SERPINB8: variants seen among roughly 807,000 people sequenced by gnomAD.
SERPINB8 encodes serpin family B member 8.
SERPINB8 carries 25 observed loss-of-function variants against 35.3 expected under a neutral mutation model. That is an observed-to-expected ratio of 0.71 (90% CI 0.52 to 0.99). SERPINB8 has a LOEUF of 0.99. Among genes scored for constraint, SERPINB8 ranks in the 50% least tolerant of loss-of-function variants. The pLI, the probability that SERPINB8 is intolerant of heterozygous loss-of-function variation, is 0.00. For missense variants in SERPINB8, 484 were observed against 446.5 expected (o/e 1.08, Z -0.76); for synonymous variants, 186 against 160.8 (o/e 1.16, Z -1.19).
In SERPINB8 at chr18:63,989,208, GT is replaced by G. The variant is rs1382722407; in HGVS notation, c.*1932del. On this transcript the variant is annotated 3_prime_UTR_variant, in exon 7 of 7. Coordinates refer to ENST00000397985, the MANE Select transcript of SERPINB8 (RefSeq NM_002640.4). ...TACAATTATTTTGAGATTCATTTAT[GT>G]TATTGTATGTATCAATAGTTCATCC... 1 of 152,150 alleles carries G rather than the reference GT, an allele frequency of 6.6e-6. No homozygotes were observed. The highest frequency in any genetic ancestry group is 1.5e-5 in the Non-Finnish European group (1 of 68,016). The allele number at this position is 152,150 out of a possible 1,614,324, so 9.4% of individuals were successfully genotyped here.
intron 3 of SERPINB8, among the ~76,000 whole-genome samples, chr18:63,980,279 C>T (rs1250340791): frequency 1.3e-5 from 2 of 152,190 alleles, no homozygotes; most frequent in East Asian, 3.8e-4. Context: ...GCTGAGGTAG[C>T]CTCTCAAATT....
intron 1 of SERPINB8, among the ~76,000 whole-genome samples, chr18:63,971,971 G>A (rs1024733733): frequency 1.3e-4 from 19 of 151,516 alleles, no homozygotes; most frequent in African/African-American, 3.9e-4. Context: ...CACCACCTAC[G>A]GAATGCCTGC....
At chr18:63,975,677 A>G (rs771780439) in intron 1 of SERPINB8, among the ~76,000 whole-genome samples, 1 of 152,144 alleles carries the variant, frequency 6.6e-6, no homozygotes, top group Non-Finnish European at 1.5e-5. Context: ...CTGTTGTTCT[A>G]TATTTAGAGT....
At chr18:64,001,239 G>A (rs903482432) in intron 1 of SERPINB8, among the ~76,000 whole-genome samples, 3 of 152,188 alleles carry the variant, frequency 2.0e-5, no homozygotes, top group Admixed American at 6.5e-5. Flanking sequence ...TCAAGAATGA[G>A]TACTAAGGAA....
intron 1 of SERPINB8, among the ~76,000 whole-genome samples, chr18:64,002,042 A>T (rs778057679): frequency 6.6e-6 from 1 of 152,160 alleles, no homozygotes; most frequent in Non-Finnish European, 1.5e-5. Flanking sequence ...GTGAGGGAGA[A>T]TGTGAGTCTC....
At chr18:64,010,514 A>G (rs979870685), downstream of SERPINB8, among the ~76,000 whole-genome samples, 1 of 152,176 alleles carries the variant, frequency 6.6e-6, no homozygotes, top group African/African-American at 2.4e-5. Context: ...GCACTCATAC[A>G]GTAGAATCAC....
chr18:64,000,387 A>G (rs796879916), intron 1 of SERPINB8, among the ~76,000 whole-genome samples: 1 of 152,216 alleles, frequency 6.6e-6, no homozygotes, highest in Admixed American at 6.5e-5. Context: ...GATCCTGAAA[A>G]ATTAAGAGGT....
rs73961869 is a variant in SERPINB8 at position 64,004,435 on chromosome 18, T to A, written c.71-384T>A. On this transcript the variant is annotated intron_variant, in intron 1 of 1. Coordinates refer to the SERPINB8 transcript ENST00000493661. ...TGAGAAATTTATGGCAATTAAATAATTACAATAACTATATTTTGAATTATT... is the reference window on the plus strand; with the variant it reads ...TGAGAAATTTATGGCAATTAAATAAATACAATAACTATATTTTGAATTATT... Among the ~76,000 whole-genome samples, 601 of 152,262 alleles carry A rather than the reference T, an allele frequency of 3.9e-3. 4 individuals are homozygous for A. Among genetic ancestry groups the A allele is most frequent in the African/African-American group, 0.014 (583 of 41,546 alleles).
At chr18:63,986,769 AC>A in intron 6 of SERPINB8, 104 bp from the exon 7 acceptor site, 1 of 1,394,554 alleles carries the variant, frequency 7.2e-7, no homozygotes, top group Non-Finnish European at 9.7e-7. Context: ...TTGGACCAGA[AC>A]TCACCATCTA....
chr18:63,992,461 A>G (rs900542030), downstream of SERPINB8, among the ~76,000 whole-genome samples: 1 of 152,062 alleles, frequency 6.6e-6, no homozygotes, highest in African/African-American at 2.4e-5. Context: ...CATCGCTCTC[A>G]TTTCTGAGAT....
chr18:64,014,804 T>C (rs2144852505), intron 7 of SERPINB8, among the ~76,000 whole-genome samples: 1 of 152,284 alleles, frequency 6.6e-6, no homozygotes, highest in Middle Eastern at 3.4e-3. Context: ...TACTTATTCT[T>C]GAAAAAATGT....
intron 1 of SERPINB8, among the ~76,000 whole-genome samples, chr18:63,973,803 G>A (rs2050533484): frequency 6.6e-6 from 1 of 152,198 alleles, no homozygotes; most frequent in African/African-American, 2.4e-5. Flanking sequence ...TTGTAGATGT[G>A]TGGTATTATT....
chr18:63,977,758 G>T (rs1198544362), intron 1 of SERPINB8, among the ~76,000 whole-genome samples: 3 of 152,190 alleles, frequency 2.0e-5, no homozygotes, highest in Non-Finnish European at 4.4e-5. Context: ...GAATAAACCA[G>T]TGTTTTTGTT....
chr18:63,993,781 A>G (rs1218112429), downstream of SERPINB8, among the ~76,000 whole-genome samples: 1 of 152,190 alleles, frequency 6.6e-6, no homozygotes, highest in Admixed American at 6.5e-5. Context: ...TGCCCTGCTC[A>G]CAGATTTGGT....
At chr18:63,998,362 C>T (rs201196016) in intron 1 of SERPINB8, among the ~76,000 whole-genome samples, 3 of 152,186 alleles carry the variant, frequency 2.0e-5, no homozygotes, top group African/African-American at 4.8e-5. Flanking sequence ...CCAAACGATA[C>T]ATTTGCAGCC....
intron 1 of SERPINB8, among the ~76,000 whole-genome samples, chr18:64,001,390 A>G (rs2050873390): frequency 6.6e-6 from 1 of 152,356 alleles, no homozygotes; most frequent in African/African-American, 2.4e-5. Flanking sequence ...TCATTTAAAA[A>G]ATCAGAGTGG....
intron 7 of SERPINB8, among the ~76,000 whole-genome samples, chr18:64,018,052 A>T (rs1419359915): frequency 6.6e-6 from 1 of 152,210 alleles, no homozygotes; most frequent in Admixed American, 6.5e-5. Context: ...ATATGATACC[A>T]CTTGGTGTCG....
At chr18:63,998,433 C>T (rs1034901898) in intron 1 of SERPINB8, among the ~76,000 whole-genome samples, 4 of 152,140 alleles carry the variant, frequency 2.6e-5, no homozygotes, top group Admixed American at 6.5e-5. Flanking sequence ...GTATCATCTA[C>T]AAGCCACAGC....
At chr18:64,001,820 G>A (rs1325490371) in intron 1 of SERPINB8, among the ~76,000 whole-genome samples, 1 of 152,134 alleles carries the variant, frequency 6.6e-6, no homozygotes. Context: ...CTAGACACCT[G>A]CTTGCCCCAC....
Sources: allele counts gnomAD v4.1 joint callset (sites outside exome capture counted in the v4.1 genomes callset), GRCh38; gene constraint gnomAD v4.1.1; transcripts MANE v1.5; gene names NCBI Gene and HGNC (gene_info 2026-07-23, HGNC 2026-07-21).